Variants in ARHGEF28 observed in about 807,000 individuals in gnomAD.
The protein encoded by ARHGEF28 is Rho guanine nucleotide exchange factor 28.
A neutral mutation model predicts 206.6 loss-of-function variants in ARHGEF28; 152 were observed. That is an observed-to-expected ratio of 0.74 (90% confidence interval 0.64 to 0.84). ARHGEF28 has a LOEUF of 0.84. Among genes scored for constraint, ARHGEF28 ranks in the 40% least tolerant of loss-of-function variants. ARHGEF28 has a pLI of 0.00. For synonymous variants in ARHGEF28, 763 were observed against 776.4 expected (o/e 0.98, Z 0.29); for missense variants, 2,028 against 2,073.2 (o/e 0.98, Z 0.42).
chr5:73,704,990 A>C (rs187863490), intron 2 of ARHGEF28, among the ~76,000 whole-genome samples: 184 of 152,336 alleles, frequency 1.2e-3, no homozygotes, highest in African/African-American at 4.1e-3. Flanking sequence ...AGGGGACAGG[A>C]GGTTCATGTA....
Position 73,889,683 on chromosome 5 carries a change from TCTC to T in ARHGEF28, c.3387+2007_3387+2009del, listed in dbSNP as rs1761511328. Among the ~76,000 whole-genome samples the T allele has an allele frequency of 4.6e-5, 7 of 152,336 alleles. No individual in the cohort carries two copies. In the South Asian group the frequency reaches 1.4e-3, roughly 32 times the overall value. On this transcript the variant is annotated intron_variant, in intron 26 of 35. Coordinates refer to ENST00000513042, the MANE Select transcript of ARHGEF28 (RefSeq NM_001177693.2). The stretch of plus-strand genomic sequence containing the variant: ...CTAAGCATGGCAGCTCCTTTCATCT[TCTC>T]CTACATTAGAGGTCTTCAACTCCTA...
At position 73,776,607 on chromosome 5, in the gene ARHGEF28, C is replaced by T. The variant is rs753635830; in HGVS notation, c.751C>T (p.Leu251=). The change falls in exon 6 of 36, where the codon CTG becomes TTG. Residue 251 remains leucine (L), a synonymous_variant. Coordinates refer to ENST00000513042, the MANE Select transcript of ARHGEF28 (RefSeq NM_001177693.2). ...CATTCACTCATCGGAAACGCTGACCCTGACCCTGAACCACACAGCCGAGCA... is the reference window on the plus strand; with the variant it reads ...CATTCACTCATCGGAAACGCTGACCTTGACCCTGAACCACACAGCCGAGCA... ...HYIHSSETLT[L]TLNHTAEHLL... The T allele has an allele frequency of 6.2e-7, 1 of 1,613,978 alleles. No homozygotes were observed. The highest frequency in any genetic ancestry group is 1.1e-5 in the South Asian group (1 of 91,088).
intron 22 of ARHGEF28, among the ~76,000 whole-genome samples, chr5:73,878,061 G>C (rs959970973): frequency 6.6e-5 from 10 of 152,114 alleles, no homozygotes; most frequent in African/African-American, 1.9e-4. Flanking sequence ...GGGAGTCTAA[G>C]TCTCTTTGTA....
At chr5:73,809,725 A>T (rs1755731041) in intron 9 of ARHGEF28, among the ~76,000 whole-genome samples, 1 of 152,260 alleles carries the variant, frequency 6.6e-6, no homozygotes. Context: ...ACTTCAAGGC[A>T]GCAGTATCTT....
intron 9 of ARHGEF28, among the ~76,000 whole-genome samples, chr5:73,811,771 T>C (rs1352686680): frequency 2.6e-5 from 4 of 152,042 alleles, no homozygotes; most frequent in African/African-American, 9.7e-5. Flanking sequence ...TCACGTGAGG[T>C]CAGGAGTTCG....
chr5:73,825,441 T>G (rs966012400), intron 9 of ARHGEF28, among the ~76,000 whole-genome samples: 5 of 152,092 alleles, frequency 3.3e-5, no homozygotes, highest in Non-Finnish European at 7.4e-5. Context: ...TGGGCAGGGC[T>G]TCCGAGAGGC....
intron 33 of ARHGEF28, chr5:73,904,736 AC>A (rs1762456159): frequency 3.6e-6 from 1 of 277,398 alleles, no homozygotes; most frequent in South Asian, 1.0e-4. Context: ...ACCTAAATTC[AC>A]ACCTAAAATT....
rs547565999 is a variant in ARHGEF28, at chr5:73,667,961, C to T, written c.-11-16880C>T. On this transcript the variant is annotated intron_variant, in intron 1 of 35. Coordinates refer to ENST00000513042, the MANE Select transcript of ARHGEF28 (RefSeq NM_001177693.2). ...TTACTCCAGTTTTTAATACCTTGTTCCTCATTTCTGTTTGAAACCTCATCA... is the reference window on the plus strand; with the variant it reads ...TTACTCCAGTTTTTAATACCTTGTTTCTCATTTCTGTTTGAAACCTCATCA... Among the ~76,000 whole-genome samples, 8 of 152,312 alleles carry T rather than the reference C, an allele frequency of 5.3e-5. No homozygotes were observed. The South Asian group carries it at 6.2e-4, about 12-fold the overall frequency.
At chr5:73,721,677 A>T (rs1335075252) in intron 2 of ARHGEF28, among the ~76,000 whole-genome samples, 1 of 151,944 alleles carries the variant, frequency 6.6e-6, no homozygotes, top group African/African-American at 2.4e-5. Context: ...GGCTCAAGGG[A>T]TCCTCCCACC....
intron 11 of ARHGEF28, among the ~76,000 whole-genome samples, chr5:73,842,776 T>G (rs1278738601): frequency 6.6e-6 from 1 of 152,084 alleles, no homozygotes; most frequent in Non-Finnish European, 1.5e-5. Flanking sequence ...GTCAGGAGTT[T>G]GAGACCAGCC....
intron 1 of ARHGEF28, among the ~76,000 whole-genome samples, chr5:73,668,468 A>G (rs1746104056): frequency 6.6e-6 from 1 of 152,124 alleles, no homozygotes; most frequent in African/African-American, 2.4e-5. Flanking sequence ...TTTTATAACA[A>G]ACCCACTCTC....
At chr5:73,802,870 CTGTGTGTGTGTGTGTGTGTG>C (rs561505395) in intron 9 of ARHGEF28, among the ~76,000 whole-genome samples, 3 of 122,172 alleles carry the variant, frequency 2.5e-5, no homozygotes, top group Non-Finnish European at 3.5e-5. Context: ...AGCTCGATTG[CTGTGTGTGTGTGTGTGTGTG>C]TGTGTGTGTG....
At chr5:73,638,623 T>G (rs1406742331) in intron 1 of ARHGEF28, among the ~76,000 whole-genome samples, 1 of 152,222 alleles carries the variant, frequency 6.6e-6, no homozygotes, top group African/African-American at 2.4e-5. Context: ...GTTGTGAATA[T>G]AGTGAGTACA....
chr5:73,834,963 T>G (rs1757533107), intron 10 of ARHGEF28: 1 of 152,184 alleles, frequency 6.6e-6, no homozygotes, highest in African/African-American at 2.4e-5. Context: ...AGTGATAGTC[T>G]TTTGTATGCT....
intron 9 of ARHGEF28, among the ~76,000 whole-genome samples, chr5:73,798,384 G>T (rs2973545): frequency 0.41 from 62,067 of 151,872 alleles, 13,156 homozygotes; most frequent in Non-Finnish European, 0.47. Flanking sequence ...AGGGCATCAA[G>T]AATTAACACT....
chr5:73,648,947 A>G (rs890018204), intron 1 of ARHGEF28, among the ~76,000 whole-genome samples: 4 of 152,340 alleles, frequency 2.6e-5, no homozygotes, highest in African/African-American at 4.8e-5. Context: ...AGGCAGTGCC[A>G]TCTTTCAGGA....
rs570936332 is a variant in ARHGEF28, at chr5:73,927,871, A to G, written c.4949-12973A>G. Among the ~76,000 whole-genome samples, 4 of 152,330 alleles carry G rather than the reference A, an allele frequency of 2.6e-5. No individual in the cohort carries two copies. In the East Asian group the frequency reaches 5.8e-4, roughly 22 times the overall value. ...ATCTGCACTAAACGAAACACAGTCT[A>G]TATGTTAGGTTGTACTTTTAAGATT... is the stretch of plus-strand genomic sequence containing the variant. On this transcript the variant is annotated intron_variant, in intron 35 of 35. Coordinates refer to ENST00000513042, the MANE Select transcript of ARHGEF28 (RefSeq NM_001177693.2).
chr5:73,926,004 A>G (rs1763779935), intron 35 of ARHGEF28, among the ~76,000 whole-genome samples: 1 of 152,198 alleles, frequency 6.6e-6, no homozygotes, highest in Non-Finnish European at 1.5e-5. Flanking sequence ...TTAACTTTCA[A>G]GAAACTGTGC....
chr5:73,874,922 G>A (rs1268474895), intron 22 of ARHGEF28, among the ~76,000 whole-genome samples: 2 of 151,424 alleles, frequency 1.3e-5, no homozygotes, highest in African/African-American at 2.4e-5. Flanking sequence ...ATAGTCCTTT[G>A]GGTATATATC....
Sources: allele counts gnomAD v4.1 joint callset (sites outside exome capture counted in the v4.1 genomes callset), GRCh38; gene constraint gnomAD v4.1.1; transcripts MANE v1.5; gene names NCBI Gene and HGNC (gene_info 2026-07-23, HGNC 2026-07-21).